ENO4: variants seen among roughly 807,000 people sequenced by gnomAD.
ENO4 encodes the protein 2-phospho-D-glycerate hydro-lyase.
ENO4 carries 53 observed loss-of-function variants against 63.2 expected under a neutral mutation model. The observed-to-expected ratio is 0.84, with a 90% CI of 0.67 to 1.05. ENO4 has a LOEUF of 1.05. Among genes scored for constraint, ENO4 ranks in the 50% least tolerant of loss-of-function variants. The pLI is 0.00. For missense variants in ENO4, 719 were observed against 772.0 expected, an observed-to-expected ratio of 0.93 and a Z score of 0.81; for synonymous variants, 266 against 283.8, an observed-to-expected ratio of 0.94 and a Z score of 0.63.
rs1447191664 is a variant in ENO4, at chr10:116,882,133, T to C, written c.*464T>C. 1.3e-5 allele frequency: 2 copies of C among 152,658 alleles called. No individual in the cohort carries two copies. The highest frequency in any genetic ancestry group is 1.9e-4 in the East Asian group (1 of 5,200). 9.5% of individuals were successfully genotyped at this position (152,658 alleles called of 1,614,324 possible). On this transcript the variant is annotated 3_prime_UTR_variant, in exon 14 of 14. Transcript: ENST00000341276. ...ACACATTTTTGTAACCAACCTCACG[T>C]AGAAGTGTGAGAGCATCACCATTTT...
At chr10:116,863,176 C>A (rs190003746) in intron 7 of ENO4, among the ~76,000 whole-genome samples, 1 of 152,330 alleles carries the variant, frequency 6.6e-6, no homozygotes, top group Admixed American at 6.5e-5. Flanking sequence ...GACTCTTGTG[C>A]CTGCATTAGG....
Position 116,879,951 on chromosome 10 carries a change from C to G in ENO4, c.1688C>G (p.Thr563Ser). Reference sequence around the variant, plus strand: ...GTGACTAAATACAACCGCCTTCTCACTATAGAGGAAGAACTTGTCCAGAAT... The same window carrying G: ...GTGACTAAATACAACCGCCTTCTCAGTATAGAGGAAGAACTTGTCCAGAAT... ...ERVTKYNRLL[T>S]IEEELVQNGT... The change falls in exon 13 of 14, where the codon ACT (threonine) becomes AGT (serine). Residue 563 changes from threonine to serine, a missense_variant. Coordinates refer to ENST00000341276, the MANE Select transcript of ENO4 (RefSeq NM_001242699.2). The G allele has an allele frequency of 6.4e-7, 1 of 1,550,826 alleles. No homozygotes were observed. Among genetic ancestry groups the G allele is most frequent in the South Asian group, 1.2e-5 (1 of 83,988 alleles).
chr10:116,883,988 C>T (rs553769828), downstream of ENO4: 2 of 224,830 alleles, frequency 8.9e-6, no homozygotes, highest in South Asian at 4.6e-5. Context: ...CTGTTCCTCA[C>T]TCGGGCTATA....
chr10:116,910,932 G>T (rs1156663998), intron 10 of ENO4, among the ~76,000 whole-genome samples: 1 of 152,206 alleles, frequency 6.6e-6, no homozygotes, highest in Non-Finnish European at 1.5e-5. Context: ...ACTGTTTAAA[G>T]ACATGCTTGA....
At chr10:116,849,865 C>A in intron 1 of ENO4, 134 bp downstream of exon 1, 2 of 1,027,338 alleles carry the variant, frequency 1.9e-6, no homozygotes, top group Non-Finnish European at 2.9e-6. Flanking sequence ...CCTGCGTGTG[C>A]GGAGGAGACT....
intron 10 of ENO4, chr10:116,901,848 G>A: frequency 6.2e-7 from 1 of 1,605,770 alleles, no homozygotes; most frequent in South Asian, 1.1e-5. Flanking sequence ...ACGGGCTGTT[G>A]AATTCTGCCT....
At chr10:116,895,359 A>G (rs562530802) in intron 10 of ENO4, among the ~76,000 whole-genome samples, 61 of 152,332 alleles carry the variant, frequency 4.0e-4, no homozygotes, top group African/African-American at 1.4e-3. Context: ...AATTTCTAAA[A>G]TTTATTTTGA....
intron 10 of ENO4, among the ~76,000 whole-genome samples, chr10:116,892,917 C>G (rs2133306320): frequency 6.6e-6 from 1 of 152,258 alleles, no homozygotes; most frequent in South Asian, 2.1e-4. Flanking sequence ...GTACCGAAAG[C>G]AATTTGGTTC....
At position 116,860,844 on chromosome 10, in the gene ENO4, G is replaced by C. The variant is rs551253938; in HGVS notation, c.685G>C (p.Glu229Gln). ...EKPIAPAEPVEPVLSGSMAIG... is the reference protein window; with the variant it reads ...EKPIAPAEPVQPVLSGSMAIG... ...ACCTATTGCGCCTGCAGAGCCTGTTGAGCCTGTACTCAGTGGCAGTATGGC... is the reference window on the plus strand; with the variant it reads ...ACCTATTGCGCCTGCAGAGCCTGTTCAGCCTGTACTCAGTGGCAGTATGGC... The change falls in exon 5 of 14, where the codon GAG becomes CAG. Residue 229 changes from glutamate (E) to glutamine (Q), a missense_variant. Around this residue, in one of 3 missense-constraint regions of ENO4, gnomAD observed 544 missense variants for 583.6 expected, o/e 0.93. Transcript: ENST00000341276. The C allele has an allele frequency of 3.2e-6, 5 of 1,546,594 alleles. No individual in the cohort carries two copies. The highest frequency in any genetic ancestry group is 1.7e-4 in the Middle Eastern group (1 of 5,972).
At chr10:116,897,380 C>T (rs1847560393) in intron 10 of ENO4, among the ~76,000 whole-genome samples, 1 of 152,136 alleles carries the variant, frequency 6.6e-6, no homozygotes, top group African/African-American at 2.4e-5. Flanking sequence ...AACAGCTTTA[C>T]CAAGTGAACA....
chr10:116,895,069 A>C (rs902574739), intron 10 of ENO4, among the ~76,000 whole-genome samples: 1 of 151,792 alleles, frequency 6.6e-6, no homozygotes, highest in African/African-American at 2.4e-5. Context: ...TTAAAAAGGC[A>C]TAGAATAAAG....
intron 3 of ENO4, among the ~76,000 whole-genome samples, chr10:116,857,675 G>A (rs191548674): frequency 6.9e-6 from 1 of 144,186 alleles, no homozygotes; most frequent in Non-Finnish European, 1.5e-5. Flanking sequence ...GTCTTCCTCT[G>A]TCACCCAGGC....
At chr10:116,901,631 T>A in intron 10 of ENO4, 1 of 1,355,322 alleles carries the variant, frequency 7.4e-7, no homozygotes. Flanking sequence ...AGCTGGCCCA[T>A]CAAATGAAAA....
At chr10:116,908,394 T>C (rs74161335) in intron 10 of ENO4, among the ~76,000 whole-genome samples, 9,178 of 152,206 alleles carry the variant, frequency 0.06, 886 homozygotes, top group African/African-American at 0.2. Flanking sequence ...TATGCTTCTA[T>C]GTGTAGAAGA....
chr10:116,881,171 C>T (rs1239786246), intron 13 of ENO4, among the ~76,000 whole-genome samples: 3 of 152,196 alleles, frequency 2.0e-5, no homozygotes, highest in African/African-American at 7.2e-5. Flanking sequence ...TCCCTGGGAG[C>T]AGTCAGCTGG....
At position 116,874,211 on chromosome 10, in the gene ENO4, C is replaced by G; in HGVS notation, c.1341+10C>G. On this transcript the variant is annotated intron_variant, in intron 10 of 13. Transcript: ENST00000341276. ...TCCTTTCAGGAAGGAGGTAAGCACC[C>G]CACCTTCCATATTTTATAACATATT... 6.6e-7 allele frequency: 1 copy of G among 1,522,366 alleles called. No individual in the cohort carries two copies. The highest frequency in any genetic ancestry group is 8.9e-7 in the Non-Finnish European group (1 of 1,126,686). 94.3% of individuals were successfully genotyped at this position (1,522,366 alleles called of 1,614,324 possible). A position where few individuals can be genotyped will look rare whatever the true frequency, so the allele number is the denominator to read the frequency against.
At chr10:116,865,668 A>C (rs1846531615) in intron 7 of ENO4, among the ~76,000 whole-genome samples, 1 of 152,152 alleles carries the variant, frequency 6.6e-6, no homozygotes, top group Non-Finnish European at 1.5e-5. Context: ...AAGTCTGGAG[A>C]CATCTGTAGT....
chr10:116,871,321 C>T (rs1020437810), intron 9 of ENO4, 29 bp downstream of exon 9: 2 of 1,515,662 alleles, frequency 1.3e-6, no homozygotes, highest in African/African-American at 2.8e-5. Context: ...ACATTCACTT[C>T]CTATTGAGAT....
intron 10 of ENO4, among the ~76,000 whole-genome samples, chr10:116,893,907 C>T (rs1847427037): frequency 6.6e-6 from 1 of 151,966 alleles, no homozygotes. Flanking sequence ...AGAAAGTAAA[C>T]AAAATAAAAT....
Sources: allele counts gnomAD v4.1 joint callset (sites outside exome capture counted in the v4.1 genomes callset), GRCh38; gene constraint gnomAD v4.1.1; regional missense constraint gnomAD v4.1.1; transcripts MANE v1.5; gene names NCBI Gene and HGNC (gene_info 2026-07-23, HGNC 2026-07-21).